Variants in CDK14 observed in about 807,000 individuals in gnomAD.
CDK14 encodes cyclin dependent kinase 14.
A neutral mutation model predicts 60.7 loss-of-function variants in CDK14; 34 were observed. The observed-to-expected ratio is 0.56, with a 90% CI of 0.43 to 0.75. The LOEUF (loss-of-function observed/expected upper bound fraction) is 0.75. CDK14 is among the 30% of genes least tolerant of loss of function. The pLI, the probability that CDK14 is intolerant of heterozygous loss-of-function variation, is 0.00. For missense variants in CDK14, 482 were observed against 564.1 expected (o/e 0.85, Z 1.47); for synonymous variants, 197 against 203.7 (o/e 0.97, Z 0.28).
intron 5 of CDK14, among the ~76,000 whole-genome samples, chr7:90,798,310 T>A (rs1477472283): frequency 1.3e-5 from 2 of 152,174 alleles, no homozygotes; most frequent in Non-Finnish European, 2.9e-5. Context: ...ATTTTTCTGC[T>A]GTTTATATCT....
At chr7:90,954,579 A>G (rs1794352454) in intron 8 of CDK14, among the ~76,000 whole-genome samples, 2 of 151,488 alleles carry the variant, frequency 1.3e-5, no homozygotes, top group Admixed American at 1.3e-4. Context: ...AGAGGTAACC[A>G]CTGAAGACAT....
At chr7:90,993,424 G>A (rs752126989) in intron 10 of CDK14, among the ~76,000 whole-genome samples, 5 of 152,014 alleles carry the variant, frequency 3.3e-5, no homozygotes, top group Non-Finnish European at 7.4e-5. Context: ...ATCCAAAAAG[G>A]CATACTGGAT....
chr7:90,776,273 G>T (rs1805041245), intron 4 of CDK14, among the ~76,000 whole-genome samples: 1 of 151,998 alleles, frequency 6.6e-6, no homozygotes, highest in African/African-American at 2.4e-5. Flanking sequence ...GTACTTTCCT[G>T]TCTTCTCTGT....
At chr7:90,637,219 G>T (rs1340763180) in intron 2 of CDK14, among the ~76,000 whole-genome samples, 2 of 150,830 alleles carry the variant, frequency 1.3e-5, no homozygotes, top group Non-Finnish European at 3.0e-5. Context: ...TGTTTTAATT[G>T]TGATGTTAGG....
chr7:91,184,204 TAAAAAAAA>T (rs59565390), intron 14 of CDK14, among the ~76,000 whole-genome samples: 12 of 36,678 alleles, frequency 3.3e-4, no homozygotes, highest in Admixed American at 1.5e-3. Context: ...GGCTCCGTCT[TAAAAAAAA>T]AAAAAAAAAA....
intron 14 of CDK14, among the ~76,000 whole-genome samples, chr7:91,156,451 A>C (rs1336677936): frequency 6.6e-6 from 1 of 151,932 alleles, no homozygotes; most frequent in East Asian, 1.9e-4. Flanking sequence ...GGGAGTGAGG[A>C]GATCCTTTTC....
At chr7:91,045,560 A>C (rs185249499) in intron 10 of CDK14, among the ~76,000 whole-genome samples, 47 of 152,324 alleles carry the variant, frequency 3.1e-4, no homozygotes, top group African/African-American at 1.1e-3. Context: ...AGCTCATGAA[A>C]GAATCATGAG....
At position 90,673,455 on chromosome 7, in the gene CDK14, G is replaced by A. The variant is rs57100605; in HGVS notation, c.124-53112G>A. Reference sequence around the variant, plus strand: ...CCTCTGTTGCCCAGGCTGGAGTGCTGTGGCACAATCACAGCCCACCCGGTG... The same window carrying A: ...CCTCTGTTGCCCAGGCTGGAGTGCTATGGCACAATCACAGCCCACCCGGTG... On this transcript the variant is annotated intron_variant, in intron 2 of 14. Coordinates refer to ENST00000380050, the MANE Select transcript of CDK14 (RefSeq NM_001287135.2). Among the ~76,000 whole-genome samples, 568 of 150,070 alleles carry A rather than the reference G, an allele frequency of 3.8e-3. 9 individuals carry two copies. The highest frequency in any genetic ancestry group is 0.013 in the African/African-American group (544 of 40,822).
intron 14 of CDK14, among the ~76,000 whole-genome samples, chr7:91,150,656 T>C (rs970831173): frequency 4.6e-5 from 7 of 152,336 alleles, no homozygotes; most frequent in Admixed American, 6.5e-5. Context: ...AAGTCAACAA[T>C]GGTTCTGAAG....
chr7:91,159,057 A>G lies in CDK14; in HGVS notation c.*28+40849A>G, dbSNP rs551987182. 4.6e-5 allele frequency among the ~76,000 whole-genome samples: 7 copies of G among 152,322 alleles called. No homozygotes were observed. In the East Asian group the frequency reaches 1.3e-3, roughly 29 times the overall value. Reference sequence around the variant, plus strand: ...GGTAATAGAACAAAGTAGAGTTGATATTGTAGTAACCAGGCTCCAAAAGTG... The same window carrying G: ...GGTAATAGAACAAAGTAGAGTTGATGTTGTAGTAACCAGGCTCCAAAAGTG... On this transcript the variant is annotated intron_variant, in intron 14 of 14. Coordinates refer to ENST00000380050, the MANE Select transcript of CDK14 (RefSeq NM_001287135.2).
intron 10 of CDK14, among the ~76,000 whole-genome samples, chr7:90,986,448 G>A (rs1267128822): frequency 1.3e-5 from 2 of 151,840 alleles, no homozygotes; most frequent in East Asian, 1.9e-4. Context: ...TCACTTTATT[G>A]AGATTGTACT....
At chr7:91,097,385 GA>G (rs60568152) in intron 12 of CDK14, among the ~76,000 whole-genome samples, 27 of 144,000 alleles carry the variant, frequency 1.9e-4, no homozygotes, top group East Asian at 8.0e-4. Context: ...CTGTCTCCAG[GA>G]AAAAAAAAAT....
chr7:90,897,728 T>G (rs1792381753), intron 6 of CDK14, among the ~76,000 whole-genome samples: 1 of 152,064 alleles, frequency 6.6e-6, no homozygotes, highest in Non-Finnish European at 1.5e-5. Flanking sequence ...GAAATAAAAC[T>G]TTTATATAGT....
intron 2 of CDK14, among the ~76,000 whole-genome samples, chr7:90,617,173 A>G (rs1799668707): frequency 1.3e-5 from 2 of 152,250 alleles, no homozygotes; most frequent in South Asian, 4.1e-4. Flanking sequence ...TATCCTCTCC[A>G]TGGGGGAAAA....
At chr7:91,030,961 A>G (rs983137470) in intron 10 of CDK14, among the ~76,000 whole-genome samples, 2 of 152,202 alleles carry the variant, frequency 1.3e-5, no homozygotes, top group Admixed American at 6.5e-5. Flanking sequence ...GTCTGCTTCT[A>G]TAGGAGTGCT....
At chr7:90,865,013 T>G (rs920017403) in intron 6 of CDK14, among the ~76,000 whole-genome samples, 8 of 152,160 alleles carry the variant, frequency 5.3e-5, no homozygotes, top group Non-Finnish European at 1.0e-4. Flanking sequence ...CATTTTTGGC[T>G]TATGATTGCC....
intron 9 of CDK14, among the ~76,000 whole-genome samples, chr7:90,975,218 A>G (rs951166192): frequency 6.6e-6 from 1 of 152,188 alleles, no homozygotes; most frequent in East Asian, 1.9e-4. Context: ...TTTTCTATGT[A>G]TTACACACTC....
intron 2 of CDK14, among the ~76,000 whole-genome samples, chr7:90,643,437 A>G (rs1800387403): frequency 6.6e-6 from 1 of 152,152 alleles, no homozygotes; most frequent in East Asian, 1.9e-4. Context: ...TTTTCATCAT[A>G]TTTTTACATT....
intron 14 of CDK14, among the ~76,000 whole-genome samples, chr7:91,202,057 G>A (rs1584210969): frequency 6.6e-6 from 1 of 152,230 alleles, no homozygotes; most frequent in Non-Finnish European, 1.5e-5. Flanking sequence ...CTACCAGGCA[G>A]ACTCTCTCCC....
Sources: gnomAD v4.1 joint callset for allele counts (sites outside exome capture counted in the v4.1 genomes callset) on GRCh38, gnomAD v4.1.1 for gene constraint, MANE v1.5 for transcripts, NCBI Gene and HGNC (gene_info 2026-07-23, HGNC 2026-07-21) for gene names.